ULK4: variants seen among roughly 807,000 people sequenced by gnomAD.
The protein encoded by ULK4 is inactive serine/threonine-protein kinase ULK4.
In ULK4, 133 loss-of-function variants were observed where a neutral mutation model predicts 160.6. That is an observed-to-expected ratio of 0.83 (90% CI 0.72 to 0.96). The LOEUF (loss-of-function observed/expected upper bound fraction) is 0.96. Among genes scored for constraint, ULK4 ranks in the 40% least tolerant of loss-of-function variants. The pLI is 0.00. For missense variants in ULK4, 1,580 were observed against 1,499.5 expected (o/e 1.05, Z -0.89); for synonymous variants, 534 against 539.8 (o/e 0.99, Z 0.15).
intron 2 of ULK4, among the ~76,000 whole-genome samples, chr3:41,939,770 CA>C (rs202178567): frequency 0.026 from 3,971 of 152,106 alleles, 117 homozygotes; most frequent in Non-Finnish European, 0.033. Flanking sequence ...GGTGAGCAGT[CA>C]GCAAGCAAGC....
intron 35 of ULK4, among the ~76,000 whole-genome samples, chr3:41,365,856 TA>T (rs551465004): frequency 3.4e-5 from 5 of 148,368 alleles, no homozygotes; most frequent in East Asian, 3.9e-4. Flanking sequence ...ACTACAGACT[TA>T]AAAAAAAAAG....
At chr3:41,293,746 G>C (rs1478095037) in intron 35 of ULK4, among the ~76,000 whole-genome samples, 1 of 152,176 alleles carries the variant, frequency 6.6e-6, no homozygotes, top group Non-Finnish European at 1.5e-5. Flanking sequence ...AATTACACTT[G>C]AAACAATGTC....
At chr3:41,575,952 C>A (rs2088175653) in intron 31 of ULK4, among the ~76,000 whole-genome samples, 1 of 152,196 alleles carries the variant, frequency 6.6e-6, no homozygotes, top group South Asian at 2.1e-4. Flanking sequence ...GACAGGAGGA[C>A]CCTGGCAGTG....
intron 19 of ULK4, among the ~76,000 whole-genome samples, chr3:41,805,421 G>T (rs1044598761): frequency 5.3e-5 from 8 of 151,088 alleles, no homozygotes; most frequent in African/African-American, 2.0e-4. Context: ...CAATCATGTT[G>T]TTTGCAAACA....
At chr3:41,305,252 CTCTT>C (rs1162091753) in intron 35 of ULK4, among the ~76,000 whole-genome samples, 1 of 152,170 alleles carries the variant, frequency 6.6e-6, no homozygotes, top group Non-Finnish European at 1.5e-5. Flanking sequence ...CCCTCTCCCT[CTCTT>C]TCCACAGTCT....
chr3:41,923,558 G>A (rs1400210202), intron 5 of ULK4, among the ~76,000 whole-genome samples: 2 of 152,158 alleles, frequency 1.3e-5, no homozygotes, highest in African/African-American at 4.8e-5. Flanking sequence ...CCTAGGAACA[G>A]GCCTGCCTTA....
At chr3:41,896,304 G>A (rs539310750) in intron 15 of ULK4, among the ~76,000 whole-genome samples, 25 of 151,954 alleles carry the variant, frequency 1.6e-4, no homozygotes, top group Admixed American at 9.2e-4. Flanking sequence ...GCCCAGGCTG[G>A]AGTGCTGTGG....
At chr3:41,918,433 T>C (rs773488503) in intron 7 of ULK4, 24 bp downstream of exon 7, 3 of 1,505,356 alleles carry the variant, frequency 2.0e-6, no homozygotes, top group South Asian at 2.6e-5. Context: ...GTAAATTAAT[T>C]CCATTTATCA....
intron 35 of ULK4, among the ~76,000 whole-genome samples, chr3:41,371,662 C>T (rs2081370140): frequency 6.6e-6 from 1 of 152,098 alleles, no homozygotes; most frequent in Admixed American, 6.5e-5. Context: ...GCAAAGACCA[C>T]ATGTAAATAA....
chr3:41,769,457 A>T (rs17280980), intron 21 of ULK4, among the ~76,000 whole-genome samples: 18,853 of 152,214 alleles, frequency 0.12, 1,348 homozygotes, highest in Middle Eastern at 0.27. Context: ...CAATCCACCA[A>T]GTATTCAGCT....
At chr3:41,436,257 G>C (rs1203917229) in intron 34 of ULK4, among the ~76,000 whole-genome samples, 1 of 152,168 alleles carries the variant, frequency 6.6e-6, no homozygotes, top group Non-Finnish European at 1.5e-5. Flanking sequence ...TATGATGTTT[G>C]GTAGGTTTAG....
In ULK4 at chr3:41,793,850, C is replaced by A. The variant is rs114018836; in HGVS notation, c.2011-4007G>T. On this transcript the variant is annotated intron_variant, in intron 20 of 36. Transcript: ENST00000301831. ...AAGTCAGGTCCACTCCTTCCAACTA[C>A]CAATACCTACCAATGCTGCCACTCC... 2.4e-3 allele frequency among the ~76,000 whole-genome samples: 372 copies of A among 152,310 alleles called. 1 individual carries two copies. Among genetic ancestry groups the A allele is most frequent in the African/African-American group, 8.0e-3 (332 of 41,570 alleles).
intron 2 of ULK4, among the ~76,000 whole-genome samples, 191 bp downstream of exon 2, chr3:41,954,427 AAGTT>A (rs1700416380): frequency 6.6e-6 from 1 of 152,026 alleles, no homozygotes. Context: ...AAAGAAAATT[AAGTT>A]AGTCATTACT....
rs374306892 is a variant in ULK4 at position 41,629,003 on chromosome 3, T to C, written c.3072-13286A>G. On this transcript the variant is annotated intron_variant, in intron 30 of 36. Transcript: ENST00000301831. ...AAGAAAGTGGCATAGAAGTGACACTTTCTATGTGCCTATATTCTGTGTGTC... is the reference window on the plus strand; with the variant it reads ...AAGAAAGTGGCATAGAAGTGACACTCTCTATGTGCCTATATTCTGTGTGTC... Among the ~76,000 whole-genome samples the C allele has an allele frequency of 3.0e-4, 46 of 152,350 alleles. 1 individual carries two copies. In the South Asian group the frequency reaches 9.3e-3, roughly 31 times the overall value.
At position 41,882,287 on chromosome 3, in the gene ULK4, T is replaced by C. The variant is rs1393792733; in HGVS notation, c.1656+1587A>G. 8 of 702,922 alleles carry C rather than the reference T, an allele frequency of 1.1e-5. No individual in the cohort carries two copies. In the South Asian group the frequency reaches 1.2e-4, roughly 10 times the overall value. 43.5% of individuals were successfully genotyped at this position (702,922 alleles called of 1,614,324 possible). On this transcript the variant is annotated intron_variant, in intron 17 of 36. Coordinates refer to ENST00000301831, the MANE Select transcript of ULK4 (RefSeq NM_017886.4). ...TTCCAATGGAGCTTGTAGTCTAGTG[T>C]GGAAAGAGAAATAAATACATAAAAT...
chr3:41,617,083 G>A (rs2033011882), intron 30 of ULK4, among the ~76,000 whole-genome samples: 2 of 152,220 alleles, frequency 1.3e-5, no homozygotes, highest in South Asian at 4.1e-4. Context: ...CATCTCTGAG[G>A]AAAGGTAGCA....
intron 31 of ULK4, among the ~76,000 whole-genome samples, chr3:41,588,532 G>A (rs767290721): frequency 1.3e-5 from 2 of 152,176 alleles, no homozygotes; most frequent in Non-Finnish European, 2.9e-5. Context: ...AGAGTGGCAA[G>A]AGAGGCCCAG....
intron 31 of ULK4, among the ~76,000 whole-genome samples, chr3:41,576,132 A>G (rs35391137): frequency 0.1 from 15,861 of 152,232 alleles, 930 homozygotes; most frequent in Admixed American, 0.14. Flanking sequence ...ACATCCAGAC[A>G]CACAACTCCT....
Position 41,676,908 on chromosome 3 carries a change from C to CTTTTTTTTT in ULK4, c.2978+4591_2978+4599dup, listed in dbSNP as rs11304353. On this transcript the variant is annotated intron_variant, in intron 29 of 36. Coordinates refer to ENST00000301831, the MANE Select transcript of ULK4 (RefSeq NM_017886.4). ...TGGGGTGCCTGCCCCCACCCCCAAC[C>CTTTTTTTTT]TTTTTTTTTTTTTTTTTTTTTGAGA... 7.2e-4 allele frequency among the ~76,000 whole-genome samples: 66 copies of CTTTTTTTTT among 91,268 alleles called. 2 individuals are homozygous for CTTTTTTTTT. The highest frequency in any genetic ancestry group is 2.8e-3 in the African/African-American group (64 of 23,010). 59.9% of individuals were successfully genotyped at this position (91,268 alleles called of 152,430 possible).
Sources: allele counts gnomAD v4.1 joint callset (sites outside exome capture counted in the v4.1 genomes callset), GRCh38; gene constraint gnomAD v4.1.1; transcripts MANE v1.5; gene names NCBI Gene and HGNC (gene_info 2026-07-23, HGNC 2026-07-21).